CALD1: variants seen among roughly 807,000 people sequenced by gnomAD.
CALD1 encodes caldesmon 1, also known as caldesmon.
A neutral mutation model predicts 99.9 loss-of-function variants in CALD1; 33 were observed. That is an observed-to-expected ratio of 0.33 (90% CI 0.25 to 0.44). The LOEUF (loss-of-function observed/expected upper bound fraction) is 0.44. Among genes scored for constraint, CALD1 ranks in the 20% least tolerant of loss-of-function variants. The pLI is 1.00. For missense variants in CALD1, 861 were observed against 962.1 expected (o/e 0.89, Z 1.39); for synonymous variants, 310 against 325.0 (o/e 0.95, Z 0.50).
intron 1 of CALD1, among the ~76,000 whole-genome samples, chr7:134,782,527 T>C (rs1243091526): frequency 1.3e-5 from 2 of 152,212 alleles, no homozygotes; most frequent in African/African-American, 2.4e-5. Flanking sequence ...TGAGAACCAC[T>C]ACAACATCTC....
At chr7:134,738,234 A>G in the CALD1 span, among the ~76,000 whole-genome samples, 2 of 152,204 alleles carry the variant, frequency 1.3e-5, no homozygotes, top group Non-Finnish European at 2.9e-5. Context: ...ATGGAGAATC[A>G]GTTCACACGC....
intron 6 of CALD1, among the ~76,000 whole-genome samples, chr7:134,938,199 T>C (rs892825924): frequency 4.6e-5 from 7 of 152,330 alleles, no homozygotes; most frequent in East Asian, 1.9e-4. Context: ...TTGGGGCTTA[T>C]GAAGCTAACA....
intron 1 of CALD1, among the ~76,000 whole-genome samples, chr7:134,814,005 C>CTGAGAATTA (rs2131949975): frequency 6.6e-6 from 1 of 152,154 alleles, no homozygotes; most frequent in African/African-American, 2.4e-5. Context: ...GTTGAAATCG[C>CTGAGAATTA]TGAGAATTAT....
intron 3 of CALD1, chr7:134,920,592 T>C: frequency 7.8e-7 from 1 of 1,288,946 alleles, no homozygotes; most frequent in African/African-American, 1.5e-5. Context: ...GTATCTCAGT[T>C]ACCAGCCTGA....
At chr7:134,727,737 G>C in the CALD1 span, among the ~76,000 whole-genome samples, 1 of 152,128 alleles carries the variant, frequency 6.6e-6, no homozygotes, top group Non-Finnish European at 1.5e-5. Flanking sequence ...CCTGTCTGGG[G>C]GTTTGGCTAT....
chr7:134,956,034 T>C (rs1051225447), intron 9 of CALD1, among the ~76,000 whole-genome samples: 1 of 152,208 alleles, frequency 6.6e-6, no homozygotes, highest in Non-Finnish European at 1.5e-5. Flanking sequence ...CTTCTAAGTT[T>C]ATAATTAAAA....
intron 3 of CALD1, among the ~76,000 whole-genome samples, chr7:134,895,294 ATGTATGTGTG>A (rs1233883627): frequency 3.3e-5 from 4 of 122,650 alleles, no homozygotes; most frequent in South Asian, 2.7e-4. Flanking sequence ...GGTTTTATAT[ATGTATGTGTG>A]TGTGTGTGTG....
intron 6 of CALD1, 126 bp downstream of exon 6, chr7:134,935,891 C>A: frequency 1.2e-6 from 1 of 858,776 alleles, no homozygotes; most frequent in African/African-American, 1.7e-5. Flanking sequence ...CCATGACTCA[C>A]AGTCCACTGA....
intron 11 of CALD1, among the ~76,000 whole-genome samples, chr7:134,959,679 C>A (rs950878455): frequency 4.6e-5 from 7 of 151,776 alleles, no homozygotes; most frequent in South Asian, 2.1e-4. Flanking sequence ...CAAAAAAAAA[C>A]AAAAAAGTAT....
rs1315976835 is a variant in CALD1 at position 134,933,062 on chromosome 7, A to G, written c.293A>G (p.Glu98Gly). 2 of 1,613,892 alleles carry G rather than the reference A, an allele frequency of 1.2e-6. No individual in the cohort carries two copies. Among genetic ancestry groups the G allele is most frequent in the Non-Finnish European group, 1.7e-6 (2 of 1,179,996 alleles). The change falls in exon 5 of 15, where the codon GAG (glutamate) becomes GGG (glycine). Residue 98 changes from glutamate to glycine, a missense_variant. This residue lies in a region of CALD1 where 123 missense variants were observed against 169.8 expected (regional missense o/e 0.72). Coordinates refer to ENST00000361675, the MANE Select transcript of CALD1 (RefSeq NM_033138.4). ...VEGDDEAAFLERLARREERRQ... is the reference protein window; with the variant it reads ...VEGDDEAAFLGRLARREERRQ... The stretch of plus-strand genomic sequence containing the variant: ...GGGGATGATGAGGCCGCATTCCTGG[A>G]GCGCCTGGCTCGGCGTGAGGAAAGA...
chr7:134,765,964 CTT>C (rs1454496363), intron 1 of CALD1, among the ~76,000 whole-genome samples: 25 of 151,756 alleles, frequency 1.6e-4, no homozygotes, highest in Admixed American at 1.4e-3. Flanking sequence ...CTCTCTCTCT[CTT>C]TCTCTCTCTC....
intron 3 of CALD1, among the ~76,000 whole-genome samples, chr7:134,906,559 CTGTT>C (rs112284100): frequency 1.9e-4 from 29 of 152,376 alleles, no homozygotes; most frequent in African/African-American, 5.3e-4. Context: ...GTAAAACAAT[CTGTT>C]TGACTCACTT....
At chr7:134,718,784 G>A in the CALD1 span, among the ~76,000 whole-genome samples, 2 of 152,122 alleles carry the variant, frequency 1.3e-5, no homozygotes, top group Non-Finnish European at 2.9e-5. Flanking sequence ...CTGGTTGCTA[G>A]TTTTCAAGAA....
At chr7:134,794,316 C>A (rs1326223886) in intron 1 of CALD1, among the ~76,000 whole-genome samples, 1 of 152,120 alleles carries the variant, frequency 6.6e-6, no homozygotes, top group Non-Finnish European at 1.5e-5. Context: ...TATAGGTGTA[C>A]CTATGTACAC....
intron 1 of CALD1, among the ~76,000 whole-genome samples, chr7:134,843,287 C>T (rs1468553907): frequency 6.6e-6 from 1 of 152,142 alleles, no homozygotes; most frequent in African/African-American, 2.4e-5. Context: ...TTTGAAGTTG[C>T]GAGGTAACTG....
At chr7:134,942,277 T>C (rs933077733) in intron 7 of CALD1, among the ~76,000 whole-genome samples, 14 of 152,234 alleles carry the variant, frequency 9.2e-5, no homozygotes, top group African/African-American at 3.1e-4. Flanking sequence ...GACATGCTCC[T>C]CACACCAAAG....
At chr7:134,747,081 C>T (rs1253598830) in intron 1 of CALD1, among the ~76,000 whole-genome samples, 1 of 152,104 alleles carries the variant, frequency 6.6e-6, no homozygotes, top group Non-Finnish European at 1.5e-5. Context: ...TGGAAGAGAA[C>T]AAGGGTGTGG....
At position 134,968,578 on chromosome 7, in the gene CALD1, G is replaced by A. The variant is rs1322722776; in HGVS notation, c.*233G>A. 1 of 694,258 alleles carries A rather than the reference G, an allele frequency of 1.4e-6. No homozygotes were observed. The highest frequency in any genetic ancestry group is 2.6e-6 in the Non-Finnish European group (1 of 378,782). 43.0% of individuals were successfully genotyped at this position (694,258 alleles called of 1,614,324 possible). A position where few individuals can be genotyped will look rare whatever the true frequency, so the allele number is the denominator to read the frequency against. On this transcript the variant is annotated 3_prime_UTR_variant, in exon 15 of 15. Coordinates refer to ENST00000361675, the MANE Select transcript of CALD1 (RefSeq NM_033138.4). Reference sequence around the variant, plus strand: ...GGAGCCTGTTTCTAAAGAAACCCATGCTGTGAAATAGAGACTTTTCTACTG... The same window carrying A: ...GGAGCCTGTTTCTAAAGAAACCCATACTGTGAAATAGAGACTTTTCTACTG...
chr7:134,814,542 C>G (rs1798483499), intron 1 of CALD1, among the ~76,000 whole-genome samples: 2 of 152,088 alleles, frequency 1.3e-5, no homozygotes, highest in South Asian at 4.2e-4. Context: ...TCTGGGGCTC[C>G]CTTTCCCTTT....
Sources: gnomAD v4.1 joint callset for allele counts (sites outside exome capture counted in the v4.1 genomes callset) on GRCh38, gnomAD v4.1.1 for gene constraint, gnomAD v4.1.1 regional missense constraint, MANE v1.5 for transcripts, NCBI Gene and HGNC (gene_info 2026-07-23, HGNC 2026-07-21) for gene names.